Variants in ADGRL2 observed in about 807,000 individuals in gnomAD.
The protein encoded by ADGRL2 is adhesion G protein-coupled receptor L2.
In ADGRL2, 44 loss-of-function variants were observed where a neutral mutation model predicts 157.4. The ratio of observed to expected loss-of-function variants is 0.28; its 90% CI spans 0.22 to 0.36. The LOEUF (loss-of-function observed/expected upper bound fraction) is 0.36. ADGRL2 is among the 10% of genes least tolerant of loss of function. The probability of loss-of-function intolerance (pLI) is 1.00; values close to 1 mark genes in which losing one functional copy is unlikely to be tolerated. For synonymous variants in ADGRL2, 585 were observed against 624.7 expected, an observed-to-expected ratio of 0.94 and a Z score of 0.95; for missense variants, 1,510 against 1,768.9, an observed-to-expected ratio of 0.85 and a Z score of 2.63.
chr1:81,922,885 C>T (rs74940610), intron 3 of ADGRL2, among the ~76,000 whole-genome samples: 10,137 of 152,080 alleles, frequency 0.067, 344 homozygotes, highest in South Asian at 0.092. Flanking sequence ...ATTTCCCCTC[C>T]CTGCCTTTCT....
intron 2 of ADGRL2, among the ~76,000 whole-genome samples, chr1:81,561,616 A>G (rs1198414005): frequency 6.6e-6 from 1 of 151,716 alleles, no homozygotes; most frequent in Non-Finnish European, 1.5e-5. Context: ...ACCCGCCATC[A>G]TGCCCGGCTA....
Position 81,484,018 on chromosome 1 carries a change from TGTTTTAAAC to T in ADGRL2, c.-248+38930_-248+38938del, listed in dbSNP as rs543865777. ...CATTTCTAAATGGCATAGGTTTTCA[TGTTTTAAAC>T]TGTGTAAGTCTTCATTATAAAGAGA... On this transcript the variant is annotated intron_variant, in intron 2 of 24. Transcript: ENST00000370721. Among the ~76,000 whole-genome samples the T allele has an allele frequency of 3.3e-5, 5 of 152,306 alleles. No homozygotes were observed. The East Asian group carries it at 9.6e-4, about 29-fold the overall frequency.
At chr1:81,781,845 A>T (rs1487159507) in intron 2 of ADGRL2, among the ~76,000 whole-genome samples, 1 of 152,226 alleles carries the variant, frequency 6.6e-6, no homozygotes, top group Non-Finnish European at 1.5e-5. Context: ...TTACTCTGGA[A>T]GCATTTATAT....
At chr1:81,454,166 TC>T (rs200594329) in intron 2 of ADGRL2, among the ~76,000 whole-genome samples, 39 of 151,500 alleles carry the variant, frequency 2.6e-4, no homozygotes, top group Non-Finnish European at 3.5e-4. Context: ...CAATCCTCAC[TC>T]TTTTTTTTTT....
At chr1:81,842,189 T>C (rs2092610094) in intron 2 of ADGRL2, among the ~76,000 whole-genome samples, 1 of 151,832 alleles carries the variant, frequency 6.6e-6, no homozygotes, top group Admixed American at 6.6e-5. Flanking sequence ...CAAAAGTATT[T>C]TTGGAAAAAA....
At chr1:81,761,043 T>TAGGA (rs1361315286) in intron 1 of ADGRL2, among the ~76,000 whole-genome samples, 1 of 151,868 alleles carries the variant, frequency 6.6e-6, no homozygotes, top group Non-Finnish European at 1.5e-5. Context: ...AAAATCTAAG[T>TAGGA]AGGACATCCT....
At chr1:81,558,326 T>A (rs2080361071) in intron 2 of ADGRL2, among the ~76,000 whole-genome samples, 1 of 152,226 alleles carries the variant, frequency 6.6e-6, no homozygotes, top group South Asian at 2.1e-4. Flanking sequence ...AAAATTATTT[T>A]CATTAGCTGC....
chr1:81,851,910 T>G (rs1183824349), intron 2 of ADGRL2, among the ~76,000 whole-genome samples: 1 of 151,866 alleles, frequency 6.6e-6, no homozygotes, highest in Non-Finnish European at 1.5e-5. Flanking sequence ...AAATGCAGAG[T>G]ACAACTATAG....
At chr1:81,860,675 TA>T (rs1197308270) in intron 2 of ADGRL2, among the ~76,000 whole-genome samples, 1 of 152,220 alleles carries the variant, frequency 6.6e-6, no homozygotes, top group Non-Finnish European at 1.5e-5. Flanking sequence ...TCTCTGAGTC[TA>T]CCTTTGGGTC....
intron 3 of ADGRL2, among the ~76,000 whole-genome samples, chr1:81,645,602 C>A (rs907898731): frequency 2.6e-5 from 4 of 151,820 alleles, no homozygotes; most frequent in African/African-American, 7.3e-5. Flanking sequence ...ATATATATAT[C>A]CTAGGGGTTA....
intron 1 of ADGRL2, among the ~76,000 whole-genome samples, chr1:81,379,428 GGAGA>G (rs1287549890): frequency 3.3e-5 from 5 of 152,170 alleles, no homozygotes; most frequent in Non-Finnish European, 7.4e-5. Context: ...CTTATCACAA[GGAGA>G]GAGAGATTTC....
chr1:81,337,437 G>A (rs1286158320), intron 1 of ADGRL2, among the ~76,000 whole-genome samples: 4 of 152,108 alleles, frequency 2.6e-5, no homozygotes, highest in Non-Finnish European at 4.4e-5. Flanking sequence ...GCTCACCTTC[G>A]TGCTCCCTGT....
chr1:81,561,559 C>T (rs1393609986), intron 2 of ADGRL2, among the ~76,000 whole-genome samples: 5 of 150,890 alleles, frequency 3.3e-5, no homozygotes, highest in African/African-American at 7.3e-5. Context: ...CTCCCGGGTT[C>T]AAGCGATTCT....
chr1:81,921,001 C>A (rs1362741294), intron 3 of ADGRL2, among the ~76,000 whole-genome samples: 2 of 152,096 alleles, frequency 1.3e-5, no homozygotes, highest in Admixed American at 6.6e-5. Context: ...AGCTTTTTAA[C>A]TGAATACAAA....
chr1:81,764,642 A>AGAGTATT (rs1414182678), intron 2 of ADGRL2, among the ~76,000 whole-genome samples: 1 of 152,170 alleles, frequency 6.6e-6, no homozygotes, highest in Admixed American at 6.5e-5. Context: ...GAGGAGTTAA[A>AGAGTATT]GAGTATTTTC....
At chr1:81,768,426 G>A (rs191438049) in intron 2 of ADGRL2, among the ~76,000 whole-genome samples, 1 of 151,132 alleles carries the variant, frequency 6.6e-6, no homozygotes, top group Non-Finnish European at 1.5e-5. Context: ...ATGAGATTGA[G>A]CACCTTTTCT....
intron 1 of ADGRL2, among the ~76,000 whole-genome samples, chr1:81,742,950 T>C (rs1055462210): frequency 2.0e-5 from 3 of 152,060 alleles, no homozygotes; most frequent in Admixed American, 6.6e-5. Context: ...CTAACACTTA[T>C]CTCTTCCACT....
chr1:81,353,059 G>A (rs12144947), intron 1 of ADGRL2, among the ~76,000 whole-genome samples: 1 of 152,100 alleles, frequency 6.6e-6, no homozygotes, highest in East Asian at 1.9e-4. Flanking sequence ...TACATAGTGG[G>A]CAATATTCTG....
intron 1 of ADGRL2, among the ~76,000 whole-genome samples, chr1:81,719,960 C>T (rs911979779): frequency 6.6e-6 from 1 of 151,906 alleles, no homozygotes; most frequent in African/African-American, 2.4e-5. Flanking sequence ...CCAGGTACCA[C>T]ATTCCACCCC....
Sources: allele counts gnomAD v4.1 joint callset (sites outside exome capture counted in the v4.1 genomes callset), GRCh38; gene constraint gnomAD v4.1.1; transcripts MANE v1.5; gene names NCBI Gene and HGNC (gene_info 2026-07-23, HGNC 2026-07-21).